Variants in VWC2 observed in about 807,000 individuals in gnomAD.
The protein encoded by VWC2 is von Willebrand factor C domain containing 2, also known as brorin.
Under a neutral mutation model 29.8 loss-of-function variants are expected in VWC2, and 14 were observed. The observed-to-expected ratio is 0.47, with a 90% CI of 0.31 to 0.74. The LOEUF (loss-of-function observed/expected upper bound fraction) is 0.74. Among genes scored for constraint, VWC2 ranks in the 30% least tolerant of loss-of-function variants. VWC2 has a pLI of 0.05. For synonymous variants in VWC2, 213 were observed against 199.0 expected (o/e 1.07, Z -0.59); for missense variants, 457 against 459.8 (o/e 0.99, Z 0.05).
chr7:49,806,687 A>AATGTC (rs1562712935), intron 3 of VWC2, among the ~76,000 whole-genome samples: 1 of 151,938 alleles, frequency 6.6e-6, no homozygotes. Flanking sequence ...GATGGTAGTA[A>AATGTC]ATGTCATGCA....
At chr7:49,857,849 C>T (rs1790486379) in intron 3 of VWC2, among the ~76,000 whole-genome samples, 1 of 152,108 alleles carries the variant, frequency 6.6e-6, no homozygotes, top group African/African-American at 2.4e-5. Context: ...CCTTCTTTGC[C>T]TATGATTTTC....
intron 3 of VWC2, among the ~76,000 whole-genome samples, chr7:49,816,105 A>G (rs1476071339): frequency 6.6e-6 from 1 of 152,068 alleles, no homozygotes. Flanking sequence ...TATGCACTAG[A>G]TTTGTTACTT....
Position 49,916,541 on chromosome 7 carries a change from C to T in VWC2, c.*4356C>T, listed in dbSNP as rs1266627384. ...TTTAACATATCATTTAGGAATCATACCATAGTTTGCATAATGGTTAATTTT... is the reference window on the plus strand; with the variant it reads ...TTTAACATATCATTTAGGAATCATATCATAGTTTGCATAATGGTTAATTTT... On this transcript the variant is annotated 3_prime_UTR_variant, in exon 4 of 4. Coordinates refer to ENST00000340652, the MANE Select transcript of VWC2 (RefSeq NM_198570.5). 1 of 152,166 alleles carries T rather than the reference C, an allele frequency of 6.6e-6. No homozygotes were observed. Among genetic ancestry groups the T allele is most frequent in the African/African-American group, 2.4e-5 (1 of 41,420 alleles). The allele number at this position is 152,166 out of a possible 1,614,324, so 9.4% of individuals were successfully genotyped here. A position where few individuals can be genotyped will look rare whatever the true frequency, so the allele number is the denominator to read the frequency against.
chr7:49,904,200 C>T (rs1405100408), intron 3 of VWC2, among the ~76,000 whole-genome samples: 1 of 152,138 alleles, frequency 6.6e-6, no homozygotes, highest in African/African-American at 2.4e-5. Flanking sequence ...TTACAGGCTG[C>T]TCTTTGTTAG....
At chr7:49,785,109 G>A (rs913544054) in intron 2 of VWC2, among the ~76,000 whole-genome samples, 3 of 152,304 alleles carry the variant, frequency 2.0e-5, no homozygotes, top group South Asian at 2.1e-4. Flanking sequence ...GCTTGTTTAA[G>A]TGAATGATAC....
chr7:49,871,546 C>T (rs896488893), intron 3 of VWC2, among the ~76,000 whole-genome samples: 13 of 151,766 alleles, frequency 8.6e-5, no homozygotes, highest in South Asian at 2.1e-4. Flanking sequence ...AGCAGAAAAA[C>T]GAATGACAGA....
At chr7:49,805,420 G>C (rs1017841520) in intron 3 of VWC2, among the ~76,000 whole-genome samples, 8 of 152,162 alleles carry the variant, frequency 5.3e-5, no homozygotes, top group Non-Finnish European at 1.0e-4. Context: ...ATTTTGGGGA[G>C]TATAACTGGA....
intron 3 of VWC2, among the ~76,000 whole-genome samples, chr7:49,880,356 T>C (rs1791610924): frequency 6.6e-6 from 1 of 152,028 alleles, no homozygotes; most frequent in Non-Finnish European, 1.5e-5. Context: ...AATTTTTATC[T>C]GAATTTATAG....
rs553550846 is a variant in VWC2 at position 49,904,735 on chromosome 7, A to C, written c.827-7299A>C. 2.2e-3 allele frequency among the ~76,000 whole-genome samples: 228 copies of C among 101,842 alleles called. 3 individuals are homozygous for C. The highest frequency in any genetic ancestry group is 7.5e-3 in the African/African-American group (219 of 29,274). 66.8% of individuals were successfully genotyped at this position (101,842 alleles called of 152,430 possible). A position where few individuals can be genotyped will look rare whatever the true frequency, so the allele number is the denominator to read the frequency against. On this transcript the variant is annotated intron_variant, in intron 3 of 3. Coordinates refer to ENST00000340652, the MANE Select transcript of VWC2 (RefSeq NM_198570.5). ...AAAAAATAGCAACATAGCATATATT[A>C]ATTTTTTTTTTTTTTTTTGAGATGG...
intron 3 of VWC2, among the ~76,000 whole-genome samples, chr7:49,875,430 A>T (rs947308786): frequency 7.0e-6 from 1 of 143,480 alleles, no homozygotes; most frequent in Admixed American, 7.0e-5. Context: ...TATATTTTTT[A>T]AAAATAGGAA....
intron 3 of VWC2, among the ~76,000 whole-genome samples, chr7:49,855,826 C>G (rs117040114): frequency 3.9e-5 from 6 of 152,192 alleles, no homozygotes; most frequent in South Asian, 2.1e-4. Flanking sequence ...TGACGGTGCA[C>G]GTTAATTCCC....
chr7:49,856,570 A>G (rs1243616786), intron 3 of VWC2, among the ~76,000 whole-genome samples: 1 of 152,202 alleles, frequency 6.6e-6, no homozygotes, highest in Non-Finnish European at 1.5e-5. Flanking sequence ...TTATTGAAGT[A>G]TAATTGGTAT....
intron 2 of VWC2, among the ~76,000 whole-genome samples, chr7:49,800,904 A>T (rs1788723554): frequency 6.6e-6 from 1 of 151,304 alleles, no homozygotes; most frequent in South Asian, 2.1e-4. Flanking sequence ...AAAGAAACTC[A>T]TCTCAAAAAC....
intron 3 of VWC2, among the ~76,000 whole-genome samples, chr7:49,897,684 C>G (rs539766905): frequency 1.3e-5 from 2 of 152,298 alleles, no homozygotes; most frequent in South Asian, 2.1e-4. Context: ...CACAACTTAC[C>G]TGAGCAGAAA....
At chr7:49,814,254 A>C (rs1471459755) in intron 3 of VWC2, among the ~76,000 whole-genome samples, 2 of 152,206 alleles carry the variant, frequency 1.3e-5, no homozygotes, top group Non-Finnish European at 2.9e-5. Context: ...GCTGTTCTTC[A>C]TCACTTCCTT....
At position 49,912,120 on chromosome 7, in the gene VWC2, G is replaced by A; in HGVS notation, c.913G>A (p.Glu305Lys). ...GTGCACCATATGCCACTGTACTTAT[G>A]AGGAAGGCACATGGAGAATCGAGCG... ...DECTICHCTY[E>K]EGTWRIERQA... The change falls in exon 4 of 4, where the codon GAG (glutamate) becomes AAG (lysine). Residue 305 changes from glutamate to lysine, a missense_variant. By Grantham distance (56) the Glu-to-Lys change is moderately conservative. This residue lies in a region of VWC2 where 185 missense variants were observed against 257.1 expected (regional missense o/e 0.72). Transcript: ENST00000340652. 6.2e-7 allele frequency: 1 copy of A among 1,614,142 alleles called. No homozygotes were observed. The highest frequency in any genetic ancestry group is 8.5e-7 in the Non-Finnish European group (1 of 1,180,032).
chr7:49,910,939 G>A (rs1793378854), intron 3 of VWC2, among the ~76,000 whole-genome samples: 1 of 152,156 alleles, frequency 6.6e-6, no homozygotes, highest in Non-Finnish European at 1.5e-5. Flanking sequence ...AGCCCTCCAG[G>A]CCATTGTAAT....
At chr7:49,783,424 T>G (rs999287967) in intron 2 of VWC2, among the ~76,000 whole-genome samples, 25 of 152,254 alleles carry the variant, frequency 1.6e-4, no homozygotes, top group African/African-American at 6.0e-4. Context: ...CCAGATGTTC[T>G]AGGGAAAAGA....
chr7:49,775,047 T>C (rs962806961), intron 1 of VWC2, among the ~76,000 whole-genome samples: 3 of 151,984 alleles, frequency 2.0e-5, no homozygotes, highest in Non-Finnish European at 4.4e-5. Flanking sequence ...CCTGGCTCGC[T>C]GCGTTCCCTG....
Sources: gnomAD v4.1 joint callset for allele counts (sites outside exome capture counted in the v4.1 genomes callset) on GRCh38, gnomAD v4.1.1 for gene constraint, gnomAD v4.1.1 regional missense constraint, MANE v1.5 for transcripts, NCBI Gene and HGNC (gene_info 2026-07-23, HGNC 2026-07-21) for gene names.